Variants in NCMAP observed in about 807,000 individuals in gnomAD.
The protein encoded by NCMAP is non-compact myelin associated protein.
NCMAP carries 8 observed loss-of-function variants against 7.8 expected under a neutral mutation model. That is an observed-to-expected ratio of 1.02 (90% CI 0.60 to 1.84). The LOEUF (loss-of-function observed/expected upper bound fraction) is 1.84. Among genes scored for constraint, NCMAP ranks in the 40% most tolerant of loss-of-function variants. The pLI, the probability that NCMAP is intolerant of heterozygous loss-of-function variation, is 0.00. For synonymous variants in NCMAP, 41 were observed against 52.9 expected (o/e 0.78, Z 0.98); for missense variants, 112 against 131.4 (o/e 0.85, Z 0.72).
At chr1:24,571,747 G>A (rs1312350111) in intron 1 of NCMAP, among the ~76,000 whole-genome samples, 1 of 149,704 alleles carries the variant, frequency 6.7e-6, no homozygotes, top group Non-Finnish European at 1.5e-5. Flanking sequence ...CACCACGCCT[G>A]GCTAATTTTT....
At chr1:24,565,615 T>TGTGTGTGTGTGTGTGTG (rs1651207604) in intron 1 of NCMAP, among the ~76,000 whole-genome samples, 1 of 141,148 alleles carries the variant, frequency 7.1e-6, no homozygotes, top group African/African-American at 2.6e-5. Flanking sequence ...TGTGTGTGTG[T>TGTGTGTGTGTGTGTGTG]TTTGAGACAG....
Position 24,576,778 on chromosome 1 carries a change from G to T in NCMAP, c.-7-18646G>T, listed in dbSNP as rs1557596320. 6.6e-6 allele frequency among the ~76,000 whole-genome samples: 1 copy of T among 152,128 alleles called. No individual in the cohort carries two copies. The highest frequency in any genetic ancestry group is 1.5e-5 in the Non-Finnish European group (1 of 68,032). On this transcript the variant is annotated intron_variant, in intron 1 of 3. Transcript: ENST00000374392. This position sits in a 1 kb window ranked among gnomAD's most constrained non-coding sequence, Gnocchi z 4.0. Reference sequence around the variant, plus strand: ...CCTCTCTGTTGGAGTTTTCAAGATGGCCGTGTTAAGTAGGTGAGGTAGTGA... The same window carrying T: ...CCTCTCTGTTGGAGTTTTCAAGATGTCCGTGTTAAGTAGGTGAGGTAGTGA...
chr1:24,560,160 CA>C (rs67052970), intron 1 of NCMAP, among the ~76,000 whole-genome samples: 13,670 of 89,148 alleles, frequency 0.15, 500 homozygotes, highest in African/African-American at 0.24. Context: ...GACTCCATCT[CA>C]AAAAAAAAAA....
At chr1:24,563,343 G>A (rs922532945) in intron 1 of NCMAP, among the ~76,000 whole-genome samples, 4 of 151,180 alleles carry the variant, frequency 2.6e-5, no homozygotes, top group Non-Finnish European at 5.9e-5. Context: ...CCAACGTGGA[G>A]AAACCCCGTC....
At chr1:24,560,856 A>G (rs1411628509) in intron 1 of NCMAP, among the ~76,000 whole-genome samples, 1 of 152,094 alleles carries the variant, frequency 6.6e-6, no homozygotes, top group Non-Finnish European at 1.5e-5. Context: ...GAGGAAAACA[A>G]ATGGTTAACT....
chr1:24,605,169 G>A (rs553387790), intron 3 of NCMAP, among the ~76,000 whole-genome samples: 29 of 151,664 alleles, frequency 1.9e-4, no homozygotes, highest in African/African-American at 3.4e-4. Context: ...TGAATTTTAC[G>A]GCATATTAAA....
chr1:24,569,026 G>GT (rs112157881), intron 1 of NCMAP, among the ~76,000 whole-genome samples: 43,071 of 150,390 alleles, frequency 0.29, 6,736 homozygotes, highest in Admixed American at 0.43. Flanking sequence ...GTTTTGTTTT[G>GT]TTTTTTTTTG....
At chr1:24,593,231 C>A (rs1652103551) in intron 1 of NCMAP, among the ~76,000 whole-genome samples, 1 of 151,494 alleles carries the variant, frequency 6.6e-6, no homozygotes, top group African/African-American at 2.4e-5. Flanking sequence ...TGCTTGTAAT[C>A]CCAGCACTTT....
At chr1:24,594,693 T>G (rs1014446313) in intron 1 of NCMAP, among the ~76,000 whole-genome samples, 5 of 152,160 alleles carry the variant, frequency 3.3e-5, no homozygotes, top group Admixed American at 1.3e-4. Flanking sequence ...TTGTTCCTCA[T>G]AGCCCAATGG....
intron 2 of NCMAP, among the ~76,000 whole-genome samples, chr1:24,599,626 A>G (rs1030100013): frequency 3.3e-5 from 5 of 151,858 alleles, no homozygotes; most frequent in Non-Finnish European, 7.4e-5. Context: ...CGCCCAGGCT[A>G]GAGTGCAGTG....
chr1:24,590,854 A>T (rs563230180), intron 1 of NCMAP, among the ~76,000 whole-genome samples: 1 of 152,294 alleles, frequency 6.6e-6, no homozygotes, highest in Non-Finnish European at 1.5e-5. Flanking sequence ...AGTTCAGCAA[A>T]TATTTACTAA....
intron 1 of NCMAP, among the ~76,000 whole-genome samples, chr1:24,577,115 G>A (rs1336317732): frequency 6.6e-6 from 1 of 151,772 alleles, no homozygotes; most frequent in Non-Finnish European, 1.5e-5. Flanking sequence ...TCCAGGCCTG[G>A]GCGACAGAGT....
At chr1:24,561,178 CAAAAAAAAAA>C (rs755072214) in intron 1 of NCMAP, among the ~76,000 whole-genome samples, 6 of 103,900 alleles carry the variant, frequency 5.8e-5, no homozygotes, top group African/African-American at 2.4e-4. Flanking sequence ...ACTAAAAATA[CAAAAAAAAAA>C]AAAAAAAAAA....
chr1:24,596,373 T>C (rs1030948426), intron 2 of NCMAP, among the ~76,000 whole-genome samples: 3 of 152,226 alleles, frequency 2.0e-5, no homozygotes, highest in African/African-American at 7.2e-5. Flanking sequence ...AAAATGGCTC[T>C]AAATGGGTCA....
At chr1:24,582,663 C>G (rs1232786553) in intron 1 of NCMAP, among the ~76,000 whole-genome samples, 1 of 152,192 alleles carries the variant, frequency 6.6e-6, no homozygotes, top group Non-Finnish European at 1.5e-5. Context: ...CTAGAGCCTC[C>G]AGAAGGAACA....
At chr1:24,590,805 CT>C (rs1652025846) in intron 1 of NCMAP, among the ~76,000 whole-genome samples, 1 of 152,136 alleles carries the variant, frequency 6.6e-6, no homozygotes, top group African/African-American at 2.4e-5. Flanking sequence ...GAAAGAATGT[CT>C]CCTAGTTTTC....
chr1:24,566,490 C>T (rs1436163338), intron 1 of NCMAP, among the ~76,000 whole-genome samples: 1 of 152,142 alleles, frequency 6.6e-6, no homozygotes, highest in Non-Finnish European at 1.5e-5. Context: ...GGAAATTGCT[C>T]ATTCTGCCTG....
intron 1 of NCMAP, among the ~76,000 whole-genome samples, chr1:24,569,387 C>T (rs1035087831): frequency 1.3e-5 from 2 of 150,676 alleles, no homozygotes; most frequent in Non-Finnish European, 1.5e-5. Flanking sequence ...CCACTCACCA[C>T]ATCCTACACT....
Position 24,605,740 on chromosome 1 carries a change from C to G in NCMAP, c.302C>G (p.Thr101Arg). ...AGTCCTGTTGACGTCCAGGTGGAGA[C>G]GCGATGACCTCTACCCTGGCGCTAT... Reference protein sequence around the residue: ...TFSPVDVQVETR With the variant: ...TFSPVDVQVERR The change falls in exon 4 of 4, where the codon ACG becomes AGG. Residue 101 changes from threonine (T) to arginine (R), a missense_variant. Thr to Arg is a moderately conservative substitution (Grantham distance 71). Transcript: ENST00000374392. 6.2e-7 allele frequency: 1 copy of G among 1,614,146 alleles called. No individual in the cohort carries two copies. Among genetic ancestry groups the G allele is most frequent in the Non-Finnish European group, 8.5e-7 (1 of 1,180,038 alleles).
Sources: allele counts gnomAD v4.1 joint callset (sites outside exome capture counted in the v4.1 genomes callset), GRCh38; gene constraint gnomAD v4.1.1; non-coding constraint Gnocchi (gnomAD v3.1); transcripts MANE v1.5; gene names NCBI Gene and HGNC (gene_info 2026-07-23, HGNC 2026-07-21).